The following NAV3 variants were observed in gnomAD, a reference collection of about 807,000 sequenced individuals.
The protein encoded by NAV3 is pore membrane and/or filament interacting like protein 1.
NAV3 carries 87 observed loss-of-function variants against 244.7 expected under a neutral mutation model. That is an observed-to-expected ratio of 0.36 (90% CI 0.30 to 0.42). The LOEUF is 0.42. NAV3 is among the 20% of genes least tolerant of loss of function. NAV3 has a pLI of 1.00. For synonymous variants in NAV3, 1,126 were observed against 1,042.2 expected (o/e 1.08, Z -1.55); for missense variants, 2,663 against 2,893.3 (o/e 0.92, Z 1.83).
chr12:77,907,311 T>C lies in NAV3; in HGVS notation c.244-33008T>C, dbSNP rs111815000. 5.2e-3 allele frequency among the ~76,000 whole-genome samples: 787 copies of C among 152,280 alleles called. 7 individuals carry two copies. Among genetic ancestry groups the C allele is most frequent in the South Asian group, 9.5e-3 (46 of 4,832 alleles). On this transcript the variant is annotated intron_variant, in intron 1 of 39. Transcript: ENST00000397909. ...CCCAAGTCTGTGTCTTTGCCAATTT[T>C]ATTCATCTATGTGGAAAGCCATTGC...
chr12:77,705,410 AC>A (rs1171856771), intron 2 of NAV3, among the ~76,000 whole-genome samples: 1 of 151,474 alleles, frequency 6.6e-6, no homozygotes, highest in Admixed American at 6.5e-5. Context: ...TCTCAAAAAA[AC>A]AAACAAACAA....
intron 1 of NAV3, among the ~76,000 whole-genome samples, chr12:77,887,214 A>T (rs1883399607): frequency 2.0e-5 from 3 of 152,112 alleles, no homozygotes. Context: ...ATGCTATGAA[A>T]AAATTCTGCC....
intron 2 of NAV3, among the ~76,000 whole-genome samples, chr12:77,668,021 C>T (rs2137063528): frequency 6.6e-6 from 1 of 152,298 alleles, no homozygotes; most frequent in East Asian, 1.9e-4. Context: ...CACTGGGTGG[C>T]TAGACCCAGA....
rs187752374 is a variant in NAV3 at position 78,197,682 on chromosome 12, A to G, written c.6446+281A>G. 5.7e-3 allele frequency among the ~76,000 whole-genome samples: 861 copies of G among 151,948 alleles called. 10 individuals are homozygous for G. The highest frequency in any genetic ancestry group is 0.019 in the African/African-American group (781 of 41,528). On this transcript the variant is annotated intron_variant, in intron 35 of 39. Transcript: ENST00000397909. ...ATTAATTTGAGAAACCCTCTTTAAT[A>G]TTATACCACAGTTTTAAAGACTCCA...
chr12:78,146,323 G>T, intron 20 of NAV3, 46 bp from the exon 21 acceptor site: 1 of 853,178 alleles, frequency 1.2e-6, no homozygotes, highest in Non-Finnish European at 1.7e-6. Flanking sequence ...GGAATTAATT[G>T]AAAATAGTTT....
chr12:77,883,653 GAA>G (rs1882936529), intron 1 of NAV3, among the ~76,000 whole-genome samples: 1 of 152,154 alleles, frequency 6.6e-6, no homozygotes, highest in African/African-American at 2.4e-5. Flanking sequence ...ATGAGAGAGA[GAA>G]AGAGTATGGG....
intron 2 of NAV3, among the ~76,000 whole-genome samples, chr12:77,616,725 G>GGC (rs1008830348): frequency 7.8e-5 from 11 of 141,646 alleles, no homozygotes; most frequent in African/African-American, 1.7e-4. Flanking sequence ...GCTACACACA[G>GGC]GCGCGCACAC....
intron 2 of NAV3, among the ~76,000 whole-genome samples, chr12:77,641,380 A>G (rs915410669): frequency 6.6e-6 from 1 of 152,020 alleles, no homozygotes; most frequent in African/African-American, 2.4e-5. Context: ...ATTAATTTAC[A>G]AGGCTACTGT....
At chr12:77,919,060 A>G (rs1887452517) in intron 1 of NAV3, among the ~76,000 whole-genome samples, 2 of 152,088 alleles carry the variant, frequency 1.3e-5, no homozygotes, top group Non-Finnish European at 1.5e-5. Context: ...TGAAGGGACC[A>G]TATGAGAAAA....
intron 2 of NAV3, among the ~76,000 whole-genome samples, chr12:77,574,467 C>T (rs185333080): frequency 5.9e-5 from 9 of 152,164 alleles, no homozygotes; most frequent in Admixed American, 3.9e-4. Flanking sequence ...ACCAAGTAAT[C>T]GCTAATAGAG....
chr12:78,125,140 T>C (rs1266802286), intron 16 of NAV3, among the ~76,000 whole-genome samples: 5 of 152,160 alleles, frequency 3.3e-5, no homozygotes, highest in Admixed American at 1.3e-4. Context: ...TTATGGTTAA[T>C]TAATTGATCA....
intron 31 of NAV3, among the ~76,000 whole-genome samples, chr12:78,186,136 G>GTAGGACAAA (rs751115338): frequency 4.0e-5 from 6 of 151,714 alleles, no homozygotes; most frequent in Non-Finnish European, 5.9e-5. Flanking sequence ...ACTGAACTTG[G>GTAGGACAAA]TAGGACAAAT....
intron 23 of NAV3, among the ~76,000 whole-genome samples, chr12:78,161,062 C>T (rs1667082): frequency 0.34 from 51,133 of 151,740 alleles, 8,941 homozygotes; most frequent in African/African-American, 0.41. Context: ...GAGCAGCTGA[C>T]GGGAAAGAAT....
At chr12:77,738,132 C>T (rs776509486) in intron 2 of NAV3, among the ~76,000 whole-genome samples, 9 of 152,224 alleles carry the variant, frequency 5.9e-5, no homozygotes, top group South Asian at 2.1e-4. Context: ...GCATCCTGTC[C>T]GGGTCTAATT....
chr12:77,788,412 A>G (rs1295848382), intron 2 of NAV3, among the ~76,000 whole-genome samples: 2 of 152,214 alleles, frequency 1.3e-5, no homozygotes, highest in African/African-American at 2.4e-5. Flanking sequence ...TGGGACAACA[A>G]TCCTGTGATG....
chr12:77,947,685 A>T (rs949174741), intron 3 of NAV3: 2 of 152,008 alleles, frequency 1.3e-5, no homozygotes, highest in Admixed American at 6.6e-5. Flanking sequence ...TCTATAAAGA[A>T]ATACTAAATG....
intron 23 of NAV3, among the ~76,000 whole-genome samples, chr12:78,162,988 G>A (rs1957629231): frequency 7.0e-6 from 1 of 142,550 alleles, no homozygotes; most frequent in African/African-American, 2.6e-5. Context: ...AAACATATAG[G>A]ATTTCAGGTG....
intron 2 of NAV3, among the ~76,000 whole-genome samples, chr12:77,778,569 G>A (rs113179411): frequency 0.019 from 2,746 of 146,944 alleles, 101 homozygotes; most frequent in African/African-American, 0.066. Flanking sequence ...CTGAGATCGC[G>A]CCACTGCACT....
At chr12:77,991,929 G>A (rs953566477) in intron 5 of NAV3, among the ~76,000 whole-genome samples, 1 of 152,178 alleles carries the variant, frequency 6.6e-6, no homozygotes, top group East Asian at 1.9e-4. Flanking sequence ...TACTTGGGAG[G>A]CTGAGGCAAG....
Sources: allele counts gnomAD v4.1 joint callset (sites outside exome capture counted in the v4.1 genomes callset), GRCh38; gene constraint gnomAD v4.1.1; transcripts MANE v1.5; gene names NCBI Gene and HGNC (gene_info 2026-07-23, HGNC 2026-07-21).